The following EPM2A variants were observed in gnomAD, a reference collection of about 807,000 sequenced individuals.
EPM2A encodes EPM2A glucan phosphatase, laforin.
Under a neutral mutation model 26.5 loss-of-function variants are expected in EPM2A, and 21 were observed. That is an observed-to-expected ratio of 0.79 (90% confidence interval 0.56 to 1.14). The LOEUF (loss-of-function observed/expected upper bound fraction) is 1.14, where lower values mean the gene tolerates loss of function less well. EPM2A is among the 50% of genes most tolerant of loss of function. The pLI is 0.00. For synonymous variants in EPM2A, 217 were observed against 177.6 expected, an observed-to-expected ratio of 1.22 and a Z score of -1.76; for missense variants, 458 against 440.8, an observed-to-expected ratio of 1.04 and a Z score of -0.35.
At chr6:145,602,556 C>T (rs912797719) in intron 2 of EPM2A, among the ~76,000 whole-genome samples, 26 of 152,132 alleles carry the variant, frequency 1.7e-4, no homozygotes, top group African/African-American at 6.3e-4. Flanking sequence ...TGTCATAATG[C>T]CAGATGAGTC....
chr6:145,536,247 TTTTTTGTTTTTG>T lies in EPM2A; in HGVS notation c.341-33684_341-33673del, dbSNP rs145241349. Among the ~76,000 whole-genome samples the T allele has an allele frequency of 1.9e-3, 123 of 65,518 alleles. No homozygotes were observed. In the South Asian group the frequency reaches 0.022, roughly 12 times the overall value. The allele number at this position is 65,518 out of a possible 152,430, so 43.0% of individuals were successfully genotyped here. A position where few individuals can be genotyped will look rare whatever the true frequency, so the allele number is the denominator to read the frequency against. ...TGATTGTCTCCCTTCCCCAGGTTGG[TTTTTTGTTTTTG>T]TTTTTGTTTTTGTTTTTGTTTTGGT... On this transcript the variant is annotated intron_variant, in intron 2 of 3. Transcript: ENST00000450221.
intron 1 of EPM2A, among the ~76,000 whole-genome samples, chr6:145,708,015 A>T (rs1782321935): frequency 6.6e-6 from 1 of 152,186 alleles, no homozygotes; most frequent in Admixed American, 6.5e-5. Flanking sequence ...TCTCAGATGG[A>T]GATGAGGAAC....
intron 4 of EPM2A, among the ~76,000 whole-genome samples, chr6:145,411,134 T>A (rs1463146624): frequency 6.6e-6 from 1 of 152,190 alleles, no homozygotes; most frequent in East Asian, 1.9e-4. Context: ...TGCCACAGAA[T>A]AATAGAAGCA....
intron 2 of EPM2A, among the ~76,000 whole-genome samples, chr6:145,668,814 T>A (rs1201249460): frequency 1.3e-5 from 2 of 152,236 alleles, no homozygotes; most frequent in African/African-American, 4.8e-5. Flanking sequence ...CAGTATATTA[T>A]TTGTAAAACA....
intron 2 of EPM2A, among the ~76,000 whole-genome samples, chr6:145,573,889 G>A (rs1320090500): frequency 6.6e-6 from 1 of 152,148 alleles, no homozygotes; most frequent in Non-Finnish European, 1.5e-5. Context: ...TACTTTAACT[G>A]GAGGACCATA....
intron 4 of EPM2A, among the ~76,000 whole-genome samples, chr6:145,433,974 T>C (rs1001320005): frequency 6.6e-6 from 1 of 152,166 alleles, no homozygotes; most frequent in Non-Finnish European, 1.5e-5. Context: ...TGATGATTAT[T>C]AGTATTTGTT....
chr6:145,622,733 C>T (rs1775663534), downstream of EPM2A, among the ~76,000 whole-genome samples: 1 of 152,188 alleles, frequency 6.6e-6, no homozygotes, highest in South Asian at 2.1e-4. Flanking sequence ...TCGCAGCCCT[C>T]AGGAGGAACT....
At chr6:145,665,694 A>T (rs1346496243) in intron 2 of EPM2A, among the ~76,000 whole-genome samples, 3 of 141,110 alleles carry the variant, frequency 2.1e-5, no homozygotes, top group African/African-American at 8.0e-5. Context: ...TACCAAAGCC[A>T]GGCAGAGACA....
At chr6:145,494,956 T>C (rs1038566871) in intron 4 of EPM2A, among the ~76,000 whole-genome samples, 1 of 152,228 alleles carries the variant, frequency 6.6e-6, no homozygotes, top group Non-Finnish European at 1.5e-5. Flanking sequence ...GAGAAGAATG[T>C]ATATTCTGTT....
chr6:145,486,525 A>G (rs1025890205), intron 4 of EPM2A, among the ~76,000 whole-genome samples: 4 of 152,086 alleles, frequency 2.6e-5, no homozygotes, highest in Admixed American at 6.5e-5. Context: ...GAGTCATCAT[A>G]TTTTACATTA....
chr6:145,538,943 A>T (rs1181464689), intron 2 of EPM2A, among the ~76,000 whole-genome samples: 2 of 152,212 alleles, frequency 1.3e-5, no homozygotes, highest in African/African-American at 4.8e-5. Context: ...ATGTACCAGA[A>T]ATCCTTGCTT....
chr6:145,578,111 A>T (rs1290571384), intron 2 of EPM2A, among the ~76,000 whole-genome samples: 2 of 152,078 alleles, frequency 1.3e-5, no homozygotes, highest in Non-Finnish European at 2.9e-5. Flanking sequence ...GAAAGACAAA[A>T]AAACAACCTA....
intron 2 of EPM2A, among the ~76,000 whole-genome samples, chr6:145,583,292 C>A (rs1781140924): frequency 6.6e-6 from 1 of 152,152 alleles, no homozygotes; most frequent in Non-Finnish European, 1.5e-5. Context: ...GGCTGATGTT[C>A]CCTCAGTCTT....
intron 1 of EPM2A, among the ~76,000 whole-genome samples, chr6:145,718,046 A>G (rs1473380651): frequency 6.6e-6 from 1 of 151,738 alleles, no homozygotes; most frequent in East Asian, 1.9e-4. Context: ...ATACTGCCCA[A>G]GGTAATTTAC....
At chr6:145,421,772 T>C (rs895861881) in intron 4 of EPM2A, among the ~76,000 whole-genome samples, 1 of 151,724 alleles carries the variant, frequency 6.6e-6, no homozygotes, top group Non-Finnish European at 1.5e-5. Context: ...AAGAGATATA[T>C]TTTAAGTTAA....
At chr6:145,538,161 A>T (rs1241229757) in intron 2 of EPM2A, among the ~76,000 whole-genome samples, 1 of 152,112 alleles carries the variant, frequency 6.6e-6, no homozygotes, top group Non-Finnish European at 1.5e-5. Context: ...CTGGTTCTAG[A>T]TCCTTGAGGA....
chr6:145,522,843 C>CTT (rs34507507), intron 2 of EPM2A, among the ~76,000 whole-genome samples: 15 of 151,816 alleles, frequency 9.9e-5, no homozygotes, highest in Non-Finnish European at 2.1e-4. Flanking sequence ...AAGACACTCT[C>CTT]TTTTTTTATA....
At chr6:145,609,960 T>A (rs770849453) in intron 2 of EPM2A, among the ~76,000 whole-genome samples, 1 of 152,218 alleles carries the variant, frequency 6.6e-6, no homozygotes, top group South Asian at 2.1e-4. Flanking sequence ...CTCATGCCTG[T>A]AATCCCAGCA....
At chr6:145,414,337 C>T (rs1014873760) in intron 4 of EPM2A, among the ~76,000 whole-genome samples, 2 of 151,708 alleles carry the variant, frequency 1.3e-5, no homozygotes, top group South Asian at 2.1e-4. Flanking sequence ...TTCTTGATGC[C>T]GGTTGGTCTC....
Sources: gnomAD v4.1 joint callset for allele counts (sites outside exome capture counted in the v4.1 genomes callset) on GRCh38, gnomAD v4.1.1 for gene constraint, MANE v1.5 for transcripts, NCBI Gene and HGNC (gene_info 2026-07-23, HGNC 2026-07-21) for gene names.